CFAP299: variants seen among roughly 807,000 people sequenced by gnomAD.
CFAP299 encodes the protein cilia and flagella associated protein 299, also known as cilia- and flagella-associated protein 299.
CFAP299 carries 21 observed loss-of-function variants against 27.0 expected under a neutral mutation model. The observed-to-expected ratio is 0.78, with a 90% CI of 0.55 to 1.12. The LOEUF (loss-of-function observed/expected upper bound fraction) is 1.12. CFAP299 is among the 50% of genes most tolerant of loss of function. The probability of loss-of-function intolerance (pLI) is 0.00; values close to 1 mark genes in which losing one functional copy is unlikely to be tolerated. For missense variants in CFAP299, 310 were observed against 276.6 expected (o/e 1.12, Z -0.86); for synonymous variants, 104 against 98.1 (o/e 1.06, Z -0.36).
intron 2 of CFAP299, among the ~76,000 whole-genome samples, chr4:80,426,899 A>C (rs1404779714): frequency 2.0e-5 from 3 of 152,302 alleles, no homozygotes; most frequent in African/African-American, 7.2e-5. Flanking sequence ...GTGTGAGTAT[A>C]AAACGATTTT....
intron 3 of CFAP299, among the ~76,000 whole-genome samples, chr4:80,602,221 TA>T (rs35563729): frequency 4.0e-4 from 60 of 148,254 alleles, no homozygotes; most frequent in African/African-American, 8.9e-4. Flanking sequence ...AAATAAAAGT[TA>T]AAAAAAAAAA....
chr4:80,375,903 A>G (rs564048398), intron 2 of CFAP299, among the ~76,000 whole-genome samples: 2 of 152,350 alleles, frequency 1.3e-5, no homozygotes, highest in East Asian at 1.9e-4. Context: ...AGCTGACTCT[A>G]CTACTCCTAG....
intron 3 of CFAP299, among the ~76,000 whole-genome samples, chr4:80,759,441 CT>C (rs1470730899): frequency 6.6e-6 from 1 of 152,150 alleles, no homozygotes; most frequent in Non-Finnish European, 1.5e-5. Context: ...TCATTACAGA[CT>C]TTTGAGTGGC....
At chr4:80,567,879 A>C (rs1441536959) in intron 2 of CFAP299, among the ~76,000 whole-genome samples, 1 of 151,662 alleles carries the variant, frequency 6.6e-6, no homozygotes, top group Non-Finnish European at 1.5e-5. Flanking sequence ...AGCAAAATAT[A>C]TTATTTTAAA....
At chr4:80,658,300 G>T (rs1307238104) in intron 3 of CFAP299, among the ~76,000 whole-genome samples, 3 of 152,108 alleles carry the variant, frequency 2.0e-5, no homozygotes, top group Non-Finnish European at 4.4e-5. Context: ...GGACATCCTT[G>T]TCTTGTGCTG....
intron 3 of CFAP299, among the ~76,000 whole-genome samples, chr4:80,775,786 C>A (rs565400434): frequency 5.1e-4 from 78 of 152,150 alleles, no homozygotes; most frequent in Non-Finnish European, 8.4e-4. Flanking sequence ...AATTCATAAA[C>A]AAAATGGTTG....
chr4:80,518,279 A>G (rs1002532348), intron 2 of CFAP299, among the ~76,000 whole-genome samples: 1 of 152,206 alleles, frequency 6.6e-6, no homozygotes, highest in Non-Finnish European at 1.5e-5. Flanking sequence ...GATAAACAAC[A>G]AAGAGGGATA....
chr4:80,784,913 A>G (rs180840501), intron 3 of CFAP299, among the ~76,000 whole-genome samples: 176 of 152,122 alleles, frequency 1.2e-3, no homozygotes, highest in Admixed American at 0.011. Flanking sequence ...TTTCCTAATG[A>G]GTTGTATGAT....
chr4:80,933,503 G>A (rs906565763), intron 4 of CFAP299, among the ~76,000 whole-genome samples: 1 of 151,998 alleles, frequency 6.6e-6, no homozygotes. Flanking sequence ...AATTATATTT[G>A]CATTGAATCT....
intron 2 of CFAP299, among the ~76,000 whole-genome samples, chr4:80,488,698 G>T (rs59951413): frequency 6.6e-6 from 1 of 152,070 alleles, no homozygotes; most frequent in African/African-American, 2.4e-5. Context: ...GGATGGTCTC[G>T]ATCTCCTGAC....
intron 2 of CFAP299, among the ~76,000 whole-genome samples, chr4:80,520,248 T>C (rs756262966): frequency 2.0e-5 from 3 of 152,190 alleles, no homozygotes; most frequent in Admixed American, 6.6e-5. Flanking sequence ...AAAACAGTGT[T>C]CTGGGAGGGG....
At chr4:80,425,476 T>A (rs1247372049) in intron 2 of CFAP299, among the ~76,000 whole-genome samples, 2 of 152,218 alleles carry the variant, frequency 1.3e-5, no homozygotes, top group Non-Finnish European at 2.9e-5. Flanking sequence ...CTTTGTTAGA[T>A]CAAGGATCAT....
intron 2 of CFAP299, among the ~76,000 whole-genome samples, chr4:80,475,948 A>G (rs1246081166): frequency 6.6e-6 from 1 of 152,222 alleles, no homozygotes; most frequent in Non-Finnish European, 1.5e-5. Flanking sequence ...CCCAGACGCC[A>G]GTAAACAACA....
Position 80,335,845 on chromosome 4 carries a change from C to T in CFAP299, c.77C>T (p.Ser26Leu). The T allele has an allele frequency of 1.2e-6, 2 of 1,613,080 alleles. No homozygotes were observed. Among genetic ancestry groups the T allele is most frequent in the East Asian group, 2.2e-5 (1 of 44,868 alleles). The change falls in exon 1 of 6, where the codon TCG becomes TTG. Residue 26 changes from serine to leucine, a missense_variant. Transcript: ENST00000358105. ...QFNAYEDFLD[S>L]QITTVDLYYL... ...AACGCCTATGAAGATTTCCTGGACT[C>T]GCAGATCACTACTGTGGACTTGTAC...
At chr4:80,512,857 C>T (rs1403014161) in intron 2 of CFAP299, among the ~76,000 whole-genome samples, 1 of 151,970 alleles carries the variant, frequency 6.6e-6, no homozygotes. Flanking sequence ...CTCTCTTTCT[C>T]TATATTTCTC....
At chr4:80,843,792 G>T (rs548029031) in intron 3 of CFAP299, among the ~76,000 whole-genome samples, 2 of 151,772 alleles carry the variant, frequency 1.3e-5, no homozygotes, top group South Asian at 2.1e-4. Flanking sequence ...TTAAGTTTTA[G>T]GGTACATGTG....
intron 5 of CFAP299, among the ~76,000 whole-genome samples, chr4:80,952,528 G>A (rs1451649646): frequency 6.6e-6 from 1 of 152,082 alleles, no homozygotes; most frequent in Non-Finnish European, 1.5e-5. Context: ...GTAAATGAGA[G>A]TAGCAATTAC....
intron 2 of CFAP299, among the ~76,000 whole-genome samples, chr4:80,440,149 C>T (rs896910142): frequency 4.6e-5 from 7 of 152,160 alleles, no homozygotes; most frequent in Admixed American, 1.3e-4. Flanking sequence ...AACGTTCCTG[C>T]CTGCCAGCTC....
At chr4:80,736,537 A>G (rs961145815) in intron 3 of CFAP299, among the ~76,000 whole-genome samples, 3 of 152,312 alleles carry the variant, frequency 2.0e-5, no homozygotes, top group African/African-American at 4.8e-5. Flanking sequence ...GAAGACATTT[A>G]TGCAGCCAAA....
Sources: gnomAD v4.1 joint callset for allele counts (sites outside exome capture counted in the v4.1 genomes callset) on GRCh38, gnomAD v4.1.1 for gene constraint, MANE v1.5 for transcripts, NCBI Gene and HGNC (gene_info 2026-07-23, HGNC 2026-07-21) for gene names.